The following ZNF568 variants were observed in gnomAD, a reference collection of about 807,000 sequenced individuals.
The protein encoded by ZNF568 is zinc finger protein 568.
In ZNF568, 11 loss-of-function variants were observed where a neutral mutation model predicts 18.1. That is an observed-to-expected ratio of 0.61 (90% CI 0.38 to 1.00). The LOEUF (loss-of-function observed/expected upper bound fraction) is 1.00. Among genes scored for constraint, ZNF568 ranks in the 50% least tolerant of loss-of-function variants. The probability of loss-of-function intolerance (pLI) is 0.01; values close to 1 mark genes in which losing one functional copy is unlikely to be tolerated. For missense variants in ZNF568, 639 were observed against 768.2 expected, an observed-to-expected ratio of 0.83 and a Z score of 1.99; for synonymous variants, 213 against 246.6, an observed-to-expected ratio of 0.86 and a Z score of 1.28.
chr19:36,956,153 G>A (rs572264885), downstream of ZNF568, among the ~76,000 whole-genome samples: 2 of 152,322 alleles, frequency 1.3e-5, no homozygotes, highest in East Asian at 3.9e-4. Context: ...ATCCCTGTGG[G>A]AACTCGAGTG....
chr19:36,927,777 G>A (rs1193359065), intron 4 of ZNF568, among the ~76,000 whole-genome samples: 1 of 137,696 alleles, frequency 7.3e-6, no homozygotes, highest in Non-Finnish European at 1.5e-5. Flanking sequence ...ACAACTAGTT[G>A]GAGAAGAATT....
chr19:36,971,435 T>C (rs1442088249), intron 6 of ZNF568, among the ~76,000 whole-genome samples: 3 of 152,160 alleles, frequency 2.0e-5, no homozygotes, highest in Non-Finnish European at 4.4e-5. Flanking sequence ...TGAAATGTTA[T>C]AAGTAATGTT....
intron 2 of ZNF568, among the ~76,000 whole-genome samples, chr19:36,988,016 C>G (rs1277540101): frequency 1.3e-5 from 2 of 152,136 alleles, no homozygotes; most frequent in Non-Finnish European, 2.9e-5. Context: ...CAGGCTTTCT[C>G]TAGGAGAAAC....
intron 5 of ZNF568, 131 bp from the exon 6 acceptor site, chr19:36,937,016 G>A: frequency 7.4e-7 from 1 of 1,355,868 alleles, no homozygotes; most frequent in Non-Finnish European, 1.0e-6. Flanking sequence ...GTTAAAGGCT[G>A]ATTACTTTGT....
intron 2 of ZNF568, among the ~76,000 whole-genome samples, chr19:36,987,878 G>C (rs1053310957): frequency 7.2e-6 from 1 of 139,162 alleles, no homozygotes; most frequent in Non-Finnish European, 1.6e-5. Flanking sequence ...GGGATGGGGT[G>C]AAGGGATTCA....
intron 6 of ZNF568, among the ~76,000 whole-genome samples, chr19:36,937,960 C>T (rs2073817760): frequency 6.6e-6 from 1 of 152,142 alleles, no homozygotes; most frequent in African/African-American, 2.4e-5. Context: ...ATGGTCCCTT[C>T]CTTTCCACAG....
intron 2 of ZNF568, among the ~76,000 whole-genome samples, chr19:36,921,942 A>G (rs2073463624): frequency 6.6e-6 from 1 of 152,196 alleles, no homozygotes; most frequent in Non-Finnish European, 1.5e-5. Context: ...CTTTAGACAC[A>G]GAAGATATCT....
chr19:36,916,750 G>T lies in ZNF568; in HGVS notation c.-256+159G>T, dbSNP rs1568375552. On this transcript the variant is annotated intron_variant, in intron 1 of 6. Transcript: ENST00000333987. The surrounding 1 kb of genome is among the most constrained non-coding windows in gnomAD (Gnocchi z 5.3). ...AAATGTGTGATATGTGTGTGATTAT[G>T]ATTAAGGCTGTAGCGAGTGTGAACG... Among the ~76,000 whole-genome samples the T allele has an allele frequency of 6.6e-6, 1 of 152,142 alleles. No individual in the cohort carries two copies. Among genetic ancestry groups the T allele is most frequent in the Non-Finnish European group, 1.5e-5 (1 of 68,020 alleles).
chr19:36,949,423 A>C, intron 6 of ZNF568, 89 bp from the exon 7 acceptor site: 158 of 1,339,960 alleles, frequency 1.2e-4, no homozygotes, highest in Non-Finnish European at 1.5e-4. Flanking sequence ...ATCAAAGATT[A>C]AACCCCACAT....
chr19:36,972,796 G>T (rs971590302), intron 6 of ZNF568, among the ~76,000 whole-genome samples: 3 of 152,280 alleles, frequency 2.0e-5, no homozygotes, highest in African/African-American at 7.2e-5. Context: ...AGAGGCCTTT[G>T]GGCACACACA....
chr19:36,954,760 T>A (rs1274264127), downstream of ZNF568, among the ~76,000 whole-genome samples: 1 of 148,630 alleles, frequency 6.7e-6, no homozygotes, highest in African/African-American at 2.5e-5. Context: ...GTATTTTTAA[T>A]GGAGCTGGGG....
intron 3 of ZNF568, among the ~76,000 whole-genome samples, chr19:36,924,111 T>C (rs1481031480): frequency 6.6e-6 from 1 of 152,138 alleles, no homozygotes; most frequent in Non-Finnish European, 1.5e-5. Context: ...GGGTAAAAAA[T>C]AAATCAAGTT....
intron 6 of ZNF568, among the ~76,000 whole-genome samples, chr19:36,973,953 A>G (rs577205077): frequency 1.3e-5 from 2 of 152,178 alleles, no homozygotes; most frequent in South Asian, 2.1e-4. Context: ...CATCGGGTCT[A>G]TCTCTGGTGT....
intron 4 of ZNF568, among the ~76,000 whole-genome samples, chr19:36,926,899 A>G (rs1466581762): frequency 6.6e-6 from 1 of 152,234 alleles, no homozygotes; most frequent in African/African-American, 2.4e-5. Context: ...ATTCAAATCC[A>G]TACAGTCTGA....
chr19:36,937,120 C>T, intron 5 of ZNF568, 27 bp from the exon 6 acceptor site: 1 of 1,604,938 alleles, frequency 6.2e-7, no homozygotes. Flanking sequence ...CATTGACATC[C>T]ACATCCTTTG....
intron 7 of ZNF568, among the ~76,000 whole-genome samples, chr19:36,975,525 A>G (rs1425637208): frequency 2.0e-5 from 3 of 151,946 alleles, no homozygotes; most frequent in Non-Finnish European, 4.4e-5. Flanking sequence ...AGCTGGGACT[A>G]CAGGCGCATG....
downstream of ZNF568, chr19:36,997,382 AGT>A: frequency 1.9e-6 from 3 of 1,591,240 alleles, no homozygotes; most frequent in Non-Finnish European, 8.6e-7. Flanking sequence ...AAACCCTATG[AGT>A]GTAAGGAATG....
At chr19:36,955,446 C>G (rs2074100832), downstream of ZNF568, among the ~76,000 whole-genome samples, 1 of 152,112 alleles carries the variant, frequency 6.6e-6, no homozygotes, top group South Asian at 2.1e-4. Context: ...TAAAGTGCCT[C>G]AGAGTAGGTC....
At chr19:36,992,058 T>G (rs902825355) in intron 4 of ZNF568, among the ~76,000 whole-genome samples, 1 of 151,956 alleles carries the variant, frequency 6.6e-6, no homozygotes, top group Non-Finnish European at 1.5e-5. Context: ...CTGACCAACA[T>G]GGTGAAACCC....
Sources: allele counts gnomAD v4.1 joint callset (sites outside exome capture counted in the v4.1 genomes callset), GRCh38; gene constraint gnomAD v4.1.1; non-coding constraint Gnocchi (gnomAD v3.1); transcripts MANE v1.5; gene names NCBI Gene and HGNC (gene_info 2026-07-23, HGNC 2026-07-21).